The following NTN1 variants were observed in gnomAD, a reference collection of about 807,000 sequenced individuals.
NTN1 encodes the protein netrin-1.
A neutral mutation model predicts 54.2 loss-of-function variants in NTN1; 11 were observed. That is an observed-to-expected ratio of 0.20 (90% CI 0.13 to 0.34). The LOEUF (loss-of-function observed/expected upper bound fraction) is 0.34, where lower values mean the gene tolerates loss of function less well. Among genes scored for constraint, NTN1 ranks in the 10% least tolerant of loss-of-function variants. The probability of loss-of-function intolerance (pLI) is 1.00; values close to 1 mark genes in which losing one functional copy is unlikely to be tolerated. For missense variants in NTN1, 740 were observed against 893.1 expected (o/e 0.83, Z 2.18); for synonymous variants, 371 against 382.0 (o/e 0.97, Z 0.33).
At chr17:9,117,263 G>A (rs931152024) in intron 2 of NTN1, among the ~76,000 whole-genome samples, 15 of 152,320 alleles carry the variant, frequency 9.8e-5, no homozygotes, top group Middle Eastern at 3.4e-3. Context: ...CTGCCTGGTG[G>A]CAGGGGCCAC....
At position 9,053,805 on chromosome 17, in the gene NTN1, C is replaced by T. The variant is rs576162367; in HGVS notation, c.1018+30414C>T. Among the ~76,000 whole-genome samples, 5 of 152,366 alleles carry T rather than the reference C, an allele frequency of 3.3e-5. No individual in the cohort carries two copies. In the South Asian group the frequency reaches 1.0e-3, roughly 32 times the overall value. On this transcript the variant is annotated intron_variant, in intron 2 of 6. Transcript: ENST00000173229. ...AAATCTGTGAACCCAAATGAAATGA[C>T]CAGCTGTATGAAGGGCCAGCAAATG...
In NTN1 at chr17:9,031,979, TA is replaced by T. The variant is rs377663794; in HGVS notation, c.1018+8600del. 3.3e-3 allele frequency among the ~76,000 whole-genome samples: 458 copies of T among 139,738 alleles called. 4 individuals are homozygous for T. The highest frequency in any genetic ancestry group is 8.4e-3 in the African/African-American group (325 of 38,470). 91.7% of individuals were successfully genotyped at this position (139,738 alleles called of 152,430 possible). On this transcript the variant is annotated intron_variant, in intron 2 of 6. Coordinates refer to ENST00000173229, the MANE Select transcript of NTN1 (RefSeq NM_004822.3). ...CTCAAAAACAAACAAAAAAAGAAGA[TA>T]AAAAAAAAAAAGAAAAGAAATGTAA...
rs943094326 is a variant in NTN1 at position 9,233,046 on chromosome 17, G to A, written c.1487-6594G>A. ...GTGACAAGCCTCCCCTAGCTGGACC[G>A]GCCCAACAGGAAGGTATGGCTGTGT... is the stretch of plus-strand genomic sequence containing the variant. On this transcript the variant is annotated intron_variant, in intron 6 of 6. Coordinates refer to ENST00000173229, the MANE Select transcript of NTN1 (RefSeq NM_004822.3). 5.3e-5 allele frequency among the ~76,000 whole-genome samples: 8 copies of A among 152,092 alleles called. No homozygotes were observed. In the East Asian group the frequency reaches 7.7e-4, roughly 15 times the overall value.
At chr17:9,004,545 T>C in the NTN1 span, among the ~76,000 whole-genome samples, 2 of 152,220 alleles carry the variant, frequency 1.3e-5, no homozygotes, top group Non-Finnish European at 2.9e-5. Flanking sequence ...GGAGTTTGAA[T>C]GCTGGGGCCT....
At chr17:9,093,047 T>C (rs980500113) in intron 2 of NTN1, among the ~76,000 whole-genome samples, 9 of 151,934 alleles carry the variant, frequency 5.9e-5, no homozygotes, top group Non-Finnish European at 8.8e-5. Context: ...CGTGAGCCAC[T>C]GCGCCCAGCC....
At chr17:9,017,562 G>A (rs1375337213), upstream of NTN1, among the ~76,000 whole-genome samples, 3 of 152,260 alleles carry the variant, frequency 2.0e-5, no homozygotes, top group East Asian at 1.9e-4. Flanking sequence ...TGAAACTGCC[G>A]CATTCTCCCC....
At chr17:9,107,756 T>C (rs1302396143) in intron 2 of NTN1, among the ~76,000 whole-genome samples, 2 of 152,240 alleles carry the variant, frequency 1.3e-5, no homozygotes, top group African/African-American at 4.8e-5. Context: ...AGTACTGTTA[T>C]AGCTGCTTTC....
chr17:9,062,183 G>A (rs1304341654), intron 2 of NTN1, among the ~76,000 whole-genome samples: 2 of 152,152 alleles, frequency 1.3e-5, no homozygotes, highest in African/African-American at 4.8e-5. Context: ...TCAGGGCATT[G>A]TAATATTTTG....
upstream of NTN1, among the ~76,000 whole-genome samples, chr17:9,020,763 C>T (rs1463317549): frequency 1.3e-5 from 2 of 152,190 alleles, no homozygotes; most frequent in Non-Finnish European, 2.9e-5. Flanking sequence ...CAGGCAGGCC[C>T]GTCTTGGAGG....
At chr17:9,095,425 A>G (rs2092128070) in intron 2 of NTN1, among the ~76,000 whole-genome samples, 1 of 152,226 alleles carries the variant, frequency 6.6e-6, no homozygotes, top group African/African-American at 2.4e-5. Context: ...TCTTGAATCC[A>G]TTCCTAAAAT....
chr17:9,079,256 G>C (rs934549696), intron 2 of NTN1, among the ~76,000 whole-genome samples: 2 of 152,180 alleles, frequency 1.3e-5, no homozygotes, highest in African/African-American at 4.8e-5. Context: ...TTCTTGCGGG[G>C]TAGGAGATAC....
rs1213982567 is a variant in NTN1 at position 9,165,963 on chromosome 17, G to A, written c.1207+2962G>A. 6.6e-6 allele frequency among the ~76,000 whole-genome samples: 1 copy of A among 152,098 alleles called. No individual in the cohort carries two copies. Among genetic ancestry groups the A allele is most frequent in the Non-Finnish European group, 1.5e-5 (1 of 68,010 alleles). Reference sequence around the variant, plus strand: ...CTGATTGGTGAAGAAAGACATCTCTGGAAAGTCCAGATCTTTCCCCTCAGC... The same window carrying A: ...CTGATTGGTGAAGAAAGACATCTCTAGAAAGTCCAGATCTTTCCCCTCAGC... On this transcript the variant is annotated intron_variant, in intron 3 of 6. Coordinates refer to ENST00000173229, the MANE Select transcript of NTN1 (RefSeq NM_004822.3). This position sits in a 1 kb window ranked among gnomAD's most constrained non-coding sequence, Gnocchi z 4.5.
chr17:9,060,292 T>C (rs993104517), intron 2 of NTN1, among the ~76,000 whole-genome samples: 6 of 152,262 alleles, frequency 3.9e-5, no homozygotes, highest in African/African-American at 1.4e-4. Context: ...CTCTTCCTTA[T>C]GGTTTTCTTC....
intron 2 of NTN1, among the ~76,000 whole-genome samples, chr17:9,093,173 G>A (rs911277342): frequency 8.5e-5 from 13 of 152,176 alleles, no homozygotes; most frequent in African/African-American, 2.9e-4. Context: ...GATTACAGGC[G>A]TGAGCCACCA....
intron 6 of NTN1, among the ~76,000 whole-genome samples, chr17:9,228,407 C>T (rs1384440883): frequency 6.6e-6 from 1 of 152,168 alleles, no homozygotes; most frequent in Non-Finnish European, 1.5e-5. Context: ...GTGTTGGCCT[C>T]ATCAGTTGCA....
chr17:9,052,452 T>C (rs1371388152), intron 2 of NTN1, among the ~76,000 whole-genome samples: 2 of 152,212 alleles, frequency 1.3e-5, no homozygotes, highest in Non-Finnish European at 2.9e-5. Flanking sequence ...GGTCTCAGAC[T>C]TGTTGGTAAT....
chr17:9,182,668 G>T (rs537673050), intron 4 of NTN1, among the ~76,000 whole-genome samples: 16 of 152,276 alleles, frequency 1.1e-4, no homozygotes, highest in Middle Eastern at 3.4e-3. Context: ...CTGTGTTGCC[G>T]CCTCACTCCT....
intron 2 of NTN1, among the ~76,000 whole-genome samples, chr17:9,034,680 C>T (rs571218975): frequency 1.3e-5 from 2 of 152,172 alleles, no homozygotes; most frequent in South Asian, 4.2e-4. Context: ...ACCTCAGCCT[C>T]CCAAAGTGCT....
chr17:9,063,310 C>T (rs977883907), intron 2 of NTN1, among the ~76,000 whole-genome samples: 1 of 152,138 alleles, frequency 6.6e-6, no homozygotes, highest in African/African-American at 2.4e-5. Context: ...GTTGGCCAGG[C>T]TGGTCTCGAA....
Sources: gnomAD v4.1 joint callset for allele counts (sites outside exome capture counted in the v4.1 genomes callset) on GRCh38, gnomAD v4.1.1 for gene constraint, Gnocchi (gnomAD v3.1) non-coding constraint, MANE v1.5 for transcripts, NCBI Gene and HGNC (gene_info 2026-07-23, HGNC 2026-07-21) for gene names.